Variants in ZYG11B observed in about 807,000 individuals in gnomAD.
ZYG11B encodes the protein zyg-11 family member B, cell cycle regulator.
ZYG11B carries 36 observed loss-of-function variants against 82.4 expected under a neutral mutation model. The observed-to-expected ratio is 0.44, with a 90% CI of 0.33 to 0.58. The LOEUF is 0.58. Ranked by LOEUF, ZYG11B falls within the 20% of genes least tolerant of loss-of-function variation. ZYG11B has a pLI of 0.02. For synonymous variants in ZYG11B, 303 were observed against 312.8 expected, an observed-to-expected ratio of 0.97 and a Z score of 0.33; for missense variants, 552 against 895.6, an observed-to-expected ratio of 0.62 and a Z score of 4.90.
At chr1:52,767,184 TTA>T (rs1254312911) in intron 2 of ZYG11B, among the ~76,000 whole-genome samples, 7 of 151,630 alleles carry the variant, frequency 4.6e-5, no homozygotes, top group Admixed American at 1.3e-4. Flanking sequence ...TTTTGTTACG[TTA>T]TGTTATTTTA....
At chr1:52,795,398 C>G (rs1273189662) in intron 6 of ZYG11B, among the ~76,000 whole-genome samples, 1 of 152,080 alleles carries the variant, frequency 6.6e-6, no homozygotes, top group East Asian at 1.9e-4. Context: ...ATAAATTACC[C>G]GGTCTCAGGT....
chr1:52,764,414 T>A (rs1644663416), intron 2 of ZYG11B, among the ~76,000 whole-genome samples: 1 of 151,662 alleles, frequency 6.6e-6, no homozygotes, highest in East Asian at 1.9e-4. Flanking sequence ...GGATTATAGG[T>A]GTAATTTACC....
chr1:52,786,066 T>C (rs1454185119), intron 5 of ZYG11B, among the ~76,000 whole-genome samples: 1 of 152,096 alleles, frequency 6.6e-6, no homozygotes, highest in Non-Finnish European at 1.5e-5. Flanking sequence ...CCAAAGAAAG[T>C]AGAAGGAAGG....
intron 5 of ZYG11B, among the ~76,000 whole-genome samples, chr1:52,788,175 G>A (rs1644929283): frequency 6.6e-6 from 1 of 151,998 alleles, no homozygotes; most frequent in Non-Finnish European, 1.5e-5. Context: ...CAGATTTGAT[G>A]AATGCCAGCA....
At chr1:52,762,429 G>A (rs989224117) in intron 2 of ZYG11B, among the ~76,000 whole-genome samples, 6 of 151,948 alleles carry the variant, frequency 3.9e-5, no homozygotes, top group African/African-American at 1.5e-4. Flanking sequence ...GGCTGGTCTT[G>A]AACTCTTGAA....
At chr1:52,805,206 T>G (rs1460642927) in intron 10 of ZYG11B, 1 of 275,636 alleles carries the variant, frequency 3.6e-6, no homozygotes, top group Non-Finnish European at 7.2e-6. Context: ...TGCTGTCAAG[T>G]GAGCACAAAA....
chr1:52,757,490 A>G (rs1462047419), intron 2 of ZYG11B, among the ~76,000 whole-genome samples: 1 of 152,016 alleles, frequency 6.6e-6, no homozygotes, highest in African/African-American at 2.4e-5. Flanking sequence ...AGCCTGGCCA[A>G]GATGGCGAAA....
intron 4 of ZYG11B, among the ~76,000 whole-genome samples, chr1:52,783,805 T>TATATATATACATAC (rs74185908): frequency 1.5e-5 from 2 of 135,004 alleles, no homozygotes; most frequent in African/African-American, 5.7e-5. Context: ...TATATATATA[T>TATATATATACATAC]ACACACACAC....
At chr1:52,781,869 C>T (rs1644859454) in intron 4 of ZYG11B, among the ~76,000 whole-genome samples, 1 of 152,028 alleles carries the variant, frequency 6.6e-6, no homozygotes. Flanking sequence ...GATATTATCA[C>T]CAACACCTGT....
chr1:52,734,651 C>CA lies in ZYG11B; in HGVS notation c.30+7981dup, dbSNP rs1212257960. 1.0e-3 allele frequency among the ~76,000 whole-genome samples: 127 copies of CA among 122,578 alleles called. 2 individuals are homozygous for CA. Among genetic ancestry groups the CA allele is most frequent in the East Asian group, 8.9e-3 (38 of 4,248 alleles). 80.4% of individuals were successfully genotyped at this position (122,578 alleles called of 152,430 possible). A position where few individuals can be genotyped will look rare whatever the true frequency, so the allele number is the denominator to read the frequency against. ...GGCAACAAGAGTGAAACTCTGGCTC[C>CA]AAAAAAAAAAAAAGTGATTTGGCAG... On this transcript the variant is annotated intron_variant, in intron 1 of 13. Transcript: ENST00000294353.
At chr1:52,779,086 T>A (rs1302524740) in intron 3 of ZYG11B, among the ~76,000 whole-genome samples, 2 of 152,120 alleles carry the variant, frequency 1.3e-5, no homozygotes, top group Non-Finnish European at 2.9e-5. Context: ...TAAGGAAGAA[T>A]GAGTAGAAAT....
chr1:52,783,152 C>G (rs1474594725), intron 4 of ZYG11B, among the ~76,000 whole-genome samples: 1 of 152,098 alleles, frequency 6.6e-6, no homozygotes, highest in African/African-American at 2.4e-5. Flanking sequence ...GTCTCGAACT[C>G]CTGATCTCAA....
At chr1:52,802,282 A>C (rs1017214344) in intron 10 of ZYG11B, 143 bp downstream of exon 10, 1 of 608,534 alleles carries the variant, frequency 1.6e-6, no homozygotes, top group Non-Finnish European at 2.8e-6. Context: ...AACTATTCCC[A>C]ATACCTCACC....
chr1:52,746,918 C>T (rs1256468549), intron 1 of ZYG11B, among the ~76,000 whole-genome samples: 3 of 149,228 alleles, frequency 2.0e-5, no homozygotes, highest in Non-Finnish European at 4.4e-5. Flanking sequence ...ACTCCCCCCT[C>T]CATCCTTTCC....
intron 4 of ZYG11B, among the ~76,000 whole-genome samples, chr1:52,783,627 T>C (rs545740918): frequency 2.0e-5 from 3 of 147,868 alleles, no homozygotes; most frequent in Admixed American, 6.7e-5. Flanking sequence ...TTTTTTTTTT[T>C]CTCTTTTCCT....
intron 12 of ZYG11B, among the ~76,000 whole-genome samples, chr1:52,815,957 A>G (rs1389280935): frequency 6.6e-6 from 1 of 152,082 alleles, no homozygotes; most frequent in Non-Finnish European, 1.5e-5. Context: ...TAAATAAATA[A>G]CAAAAATTAA....
chr1:52,767,098 T>C (rs1050253226), intron 2 of ZYG11B, among the ~76,000 whole-genome samples: 2 of 150,194 alleles, frequency 1.3e-5, no homozygotes, highest in Non-Finnish European at 3.0e-5. Context: ...TATATTATTT[T>C]GTTATGTTTT....
intron 1 of ZYG11B, among the ~76,000 whole-genome samples, chr1:52,754,886 G>A (rs756699527): frequency 7.2e-5 from 11 of 151,812 alleles, no homozygotes; most frequent in South Asian, 6.2e-4. Flanking sequence ...TATGATGTGA[G>A]ATAGGACTTT....
In ZYG11B at chr1:52,820,424, A is replaced by G. The variant is rs541713603; in HGVS notation, c.2045-1015A>G. On this transcript the variant is annotated intron_variant, in intron 13 of 13. Transcript: ENST00000294353. ...CACTTTGGGAGGCTGAGGCAGGCAG[A>G]TCACTTAAGGTCAGGAGTTTGAGAC... Among the ~76,000 whole-genome samples the G allele has an allele frequency of 2.1e-4, 32 of 151,982 alleles. 1 individual carries two copies. In the South Asian group the frequency reaches 6.4e-3, roughly 31 times the overall value.
Sources: gnomAD v4.1 joint callset for allele counts (sites outside exome capture counted in the v4.1 genomes callset) on GRCh38, gnomAD v4.1.1 for gene constraint, MANE v1.5 for transcripts, NCBI Gene and HGNC (gene_info 2026-07-23, HGNC 2026-07-21) for gene names.